FRY: variants seen among roughly 807,000 people sequenced by gnomAD.
The protein encoded by FRY is FRY microtubule binding protein.
A neutral mutation model predicts 348.4 loss-of-function variants in FRY; 128 were observed. That is an observed-to-expected ratio of 0.37 (90% CI 0.32 to 0.43). FRY has a LOEUF of 0.43. Among genes scored for constraint, FRY ranks in the 20% least tolerant of loss-of-function variants. The pLI, the probability that FRY is intolerant of heterozygous loss-of-function variation, is 1.00. For missense variants in FRY, 2,736 were observed against 3,695.2 expected, an observed-to-expected ratio of 0.74 and a Z score of 6.73; for synonymous variants, 1,370 against 1,374.7, an observed-to-expected ratio of 1.00 and a Z score of 0.08.
chr13:32,223,014 C>T (rs562152230), intron 36 of FRY, among the ~76,000 whole-genome samples: 1 of 152,136 alleles, frequency 6.6e-6, no homozygotes, highest in Non-Finnish European at 1.5e-5. Flanking sequence ...AGTGCAGTGG[C>T]ATGATCTCGG....
chr13:32,205,804 A>G (rs1884320871), intron 31 of FRY, among the ~76,000 whole-genome samples: 1 of 152,118 alleles, frequency 6.6e-6, no homozygotes, highest in Non-Finnish European at 1.5e-5. Flanking sequence ...GGATTAGTGA[A>G]CATCCAGTCT....
At chr13:32,152,614 T>G (rs570190058) in intron 14 of FRY, among the ~76,000 whole-genome samples, 1 of 152,216 alleles carries the variant, frequency 6.6e-6, no homozygotes, top group East Asian at 1.9e-4. Context: ...ATTTGCACTA[T>G]AAACAAAAAT....
chr13:32,105,319 G>A (rs748457291), intron 3 of FRY, among the ~76,000 whole-genome samples: 3 of 152,180 alleles, frequency 2.0e-5, no homozygotes, highest in Non-Finnish European at 2.9e-5. Context: ...AGCCATCTTG[G>A]AAGTAGAGAC....
chr13:32,058,029 A>G (rs1368582808), intron 1 of FRY, among the ~76,000 whole-genome samples: 1 of 152,220 alleles, frequency 6.6e-6, no homozygotes, highest in African/African-American at 2.4e-5. Context: ...GGAAACTTTT[A>G]TGAATATTAG....
intron 43 of FRY, among the ~76,000 whole-genome samples, chr13:32,236,535 A>G (rs949314176): frequency 6.6e-6 from 1 of 152,208 alleles, no homozygotes; most frequent in Non-Finnish European, 1.5e-5. Flanking sequence ...AAAGCTAAAT[A>G]TTATTTTTAA....
intron 20 of FRY, among the ~76,000 whole-genome samples, chr13:32,177,641 T>C (rs2138234807): frequency 6.6e-6 from 1 of 151,134 alleles, no homozygotes; most frequent in African/African-American, 2.4e-5. Flanking sequence ...AGATATCTTA[T>C]CTCAAAAACT....
Position 32,237,497 on chromosome 13 carries a change from C to T in FRY, c.5929C>T (p.Arg1977Trp), listed in dbSNP as rs549515679. Residue 1977 changes from arginine to tryptophan, a missense_variant, in exon 44 of 61, where the codon CGG becomes TGG. This residue lies in a region of FRY where 794 missense variants were observed against 977.0 expected (regional missense o/e 0.81). Transcript: ENST00000542859. The surrounding 1 kb of genome is among the most constrained non-coding windows in gnomAD (Gnocchi z 6.3). ...CAACACCGCAACTGCCGAACGGAGC[C>T]GGCATCAACGAAGCTTCTCTGTGCC... is the stretch of plus-strand genomic sequence containing the variant. ...SGNTATAERS[R>W]HQRSFSVPKK... 3 of 1,614,138 alleles carry T rather than the reference C, an allele frequency of 1.9e-6. No homozygotes were observed. The highest frequency in any genetic ancestry group is 4.5e-5 in the East Asian group (2 of 44,882).
At chr13:32,070,291 A>G (rs1874550756) in intron 1 of FRY, among the ~76,000 whole-genome samples, 1 of 152,098 alleles carries the variant, frequency 6.6e-6, no homozygotes, top group Non-Finnish European at 1.5e-5. Flanking sequence ...ATCGCCACAC[A>G]GTCTTTCTTC....
intron 53 of FRY, 44 bp downstream of exon 53, chr13:32,262,519 C>T (rs1416968480): frequency 1.3e-6 from 2 of 1,493,904 alleles, no homozygotes; most frequent in Middle Eastern, 1.7e-4. Flanking sequence ...CCCTTAAAAC[C>T]CTTAAAAAAA....
chr13:32,157,289 C>T lies in FRY; in HGVS notation c.1668C>T (p.Tyr556=). 6.2e-7 allele frequency: 1 copy of T among 1,612,276 alleles called. No homozygotes were observed. Among genetic ancestry groups the T allele is most frequent in the Non-Finnish European group, 8.5e-7 (1 of 1,178,556 alleles). The change falls in exon 16 of 61, where the codon TAC becomes TAT. Residue 556 remains tyrosine, a synonymous_variant. Coordinates refer to ENST00000542859, the MANE Select transcript of FRY (RefSeq NM_023037.3). ...EAKMIGMSLY[Y]SQVRKAVDNI... ...GTTTTTCAGGCATGTCCTTATATTA[C>T]TCTCAAGTACGAAAAGCTGTAGACA...
At chr13:32,232,695 G>A (rs1320504552) in intron 41 of FRY, among the ~76,000 whole-genome samples, 1 of 152,230 alleles carries the variant, frequency 6.6e-6, no homozygotes, top group Non-Finnish European at 1.5e-5. Flanking sequence ...CTTAAATGGG[G>A]TATCCAGTGG....
chr13:32,101,888 A>G (rs1877183226), intron 2 of FRY, 75 bp from the exon 3 acceptor site: 1 of 888,618 alleles, frequency 1.1e-6, no homozygotes, highest in African/African-American at 1.7e-5. Flanking sequence ...AAAAAATGGA[A>G]CAATAATGGC....
intron 59 of FRY, chr13:32,291,959 A>G (rs1889387280): frequency 2.2e-6 from 1 of 451,394 alleles, no homozygotes; most frequent in African/African-American, 2.0e-5. Context: ...ATGCATGAAC[A>G]AATAAAGTTT....
At chr13:32,156,276 T>G (rs1241138704) in intron 15 of FRY, among the ~76,000 whole-genome samples, 1 of 152,208 alleles carries the variant, frequency 6.6e-6, no homozygotes, top group Non-Finnish European at 1.5e-5. Flanking sequence ...TGCTTTGAAA[T>G]ATTTCTCTTT....
intron 1 of FRY, among the ~76,000 whole-genome samples, chr13:32,043,636 A>T (rs773748288): frequency 5.9e-5 from 9 of 152,142 alleles, no homozygotes; most frequent in Non-Finnish European, 1.0e-4. Context: ...AAATTGATGA[A>T]CCTCTAGTGG....
intron 31 of FRY, among the ~76,000 whole-genome samples, chr13:32,206,069 T>TG (rs1195040840): frequency 6.6e-6 from 1 of 151,926 alleles, no homozygotes; most frequent in African/African-American, 2.4e-5. Context: ...CCCAGGATGT[T>TG]GAGTGTATGC....
chr13:32,248,370 C>T (rs958691846), intron 48 of FRY, among the ~76,000 whole-genome samples: 1 of 151,906 alleles, frequency 6.6e-6, no homozygotes, highest in African/African-American at 2.4e-5. Flanking sequence ...CATCACACAC[C>T]GAGGCCTATC....
intron 3 of FRY, among the ~76,000 whole-genome samples, chr13:32,103,338 C>T (rs1207751759): frequency 6.6e-6 from 1 of 152,212 alleles, no homozygotes; most frequent in Admixed American, 6.5e-5. Flanking sequence ...TTGGGGTTAC[C>T]ATTTTGGAAA....
rs925454361 is a variant in FRY at position 32,179,715 on chromosome 13, T to C, written c.2912T>C (p.Leu971Ser). The change falls in exon 23 of 61, where the codon TTG (leucine) becomes TCG (serine). Residue 971 changes from leucine (L) to serine (S), a missense_variant. Leu to Ser is a moderately radical substitution (Grantham distance 145). Transcript: ENST00000542859. ...TCGGTGGGAGTTCTGTTAAAGCAGT[T>C]GGTGCCTTTGATGAGACTAGAGAGC... ...TPSVGVLLKQ[L>S]VPLMRLESIE... The C allele has an allele frequency of 1.2e-6, 2 of 1,613,672 alleles. No individual in the cohort carries two copies. The highest frequency in any genetic ancestry group is 1.7e-5 in the Admixed American group (1 of 60,010).
Sources: allele counts gnomAD v4.1 joint callset (sites outside exome capture counted in the v4.1 genomes callset), GRCh38; gene constraint gnomAD v4.1.1; regional missense constraint gnomAD v4.1.1; non-coding constraint Gnocchi (gnomAD v3.1); transcripts MANE v1.5; gene names NCBI Gene and HGNC (gene_info 2026-07-23, HGNC 2026-07-21).